The following CNTN5 variants were observed in gnomAD, a reference collection of about 807,000 sequenced individuals.
CNTN5 encodes the protein contactin-5.
In CNTN5, 77 loss-of-function variants were observed where a neutral mutation model predicts 129.1. That is an observed-to-expected ratio of 0.60 (90% CI 0.50 to 0.72). The LOEUF (loss-of-function observed/expected upper bound fraction) is 0.72, where lower values mean the gene tolerates loss of function less well. CNTN5 is among the 30% of genes least tolerant of loss of function. CNTN5 has a pLI of 0.00. For missense variants in CNTN5, 1,478 were observed against 1,328.8 expected, an observed-to-expected ratio of 1.11 and a Z score of -1.75; for synonymous variants, 509 against 465.6, an observed-to-expected ratio of 1.09 and a Z score of -1.20.
At chr11:100,291,345 C>A (rs1342766868) in intron 18 of CNTN5, among the ~76,000 whole-genome samples, 1 of 151,784 alleles carries the variant, frequency 6.6e-6, no homozygotes, top group Admixed American at 6.6e-5. Flanking sequence ...ATAGCGAAGA[C>A]TTGGAACCAA....
intron 2 of CNTN5, among the ~76,000 whole-genome samples, chr11:99,430,998 G>GA (rs778538306): frequency 7.2e-6 from 1 of 139,474 alleles, no homozygotes; most frequent in Non-Finnish European, 1.5e-5. Context: ...TTTCCTGGCT[G>GA]TTTTTTTTTT....
chr11:99,350,870 G>GA (rs1172276896), intron 2 of CNTN5, among the ~76,000 whole-genome samples: 2 of 152,008 alleles, frequency 1.3e-5, no homozygotes, highest in Non-Finnish European at 2.9e-5. Context: ...AAAGTGCTTT[G>GA]AAAATCCCAG....
At position 99,423,823 on chromosome 11, in the gene CNTN5, G is replaced by A. The variant is rs11219853; in HGVS notation, c.-71+98339G>A. On this transcript the variant is annotated intron_variant, in intron 2 of 24. Coordinates refer to ENST00000524871, the MANE Select transcript of CNTN5 (RefSeq NM_014361.4). Reference sequence around the variant, plus strand: ...GGTTAGATAAGGAGCTGAGAGAGAGGCAGCATAAGACTAGTGATTTCGACT... The same window carrying A: ...GGTTAGATAAGGAGCTGAGAGAGAGACAGCATAAGACTAGTGATTTCGACT... Among the ~76,000 whole-genome samples, 334 of 150,400 alleles carry A rather than the reference G, an allele frequency of 2.2e-3. 4 individuals are homozygous for A. The East Asian group carries it at 0.06, about 27-fold the overall frequency.
rs76358944 is a variant in CNTN5 at position 100,199,858 on chromosome 11, A to C, written c.1884+6195A>C. Among the ~76,000 whole-genome samples, 1,014 of 152,080 alleles carry C rather than the reference A, an allele frequency of 6.7e-3. 22 individuals carry two copies. The highest frequency in any genetic ancestry group is 0.023 in the African/African-American group (970 of 41,522). On this transcript the variant is annotated intron_variant, in intron 15 of 24. Coordinates refer to ENST00000524871, the MANE Select transcript of CNTN5 (RefSeq NM_014361.4). ...GGGCTAATAAGTAATTTTATTTTTC[A>C]TCACTTTGTACTAAGAATGTCCATA...
intron 1 of CNTN5, among the ~76,000 whole-genome samples, chr11:99,241,423 G>T (rs2135758976): frequency 7.1e-6 from 1 of 140,848 alleles, no homozygotes; most frequent in South Asian, 2.3e-4. Flanking sequence ...ATTAGGAACT[G>T]ATCTGAAAAT....
intron 1 of CNTN5, among the ~76,000 whole-genome samples, chr11:99,246,938 A>T (rs1044753449): frequency 1.3e-5 from 2 of 152,172 alleles, no homozygotes; most frequent in African/African-American, 4.8e-5. Flanking sequence ...ATAATTTTTG[A>T]TTTGCAACCT....
chr11:99,855,019 G>C (rs1399130691), intron 6 of CNTN5, among the ~76,000 whole-genome samples: 1 of 152,080 alleles, frequency 6.6e-6, no homozygotes, highest in East Asian at 1.9e-4. Context: ...TCTCAAAAAA[G>C]ACCTTTGGGC....
At chr11:99,660,059 T>A (rs571446189) in intron 3 of CNTN5, among the ~76,000 whole-genome samples, 9 of 152,242 alleles carry the variant, frequency 5.9e-5, no homozygotes, top group Admixed American at 3.9e-4. Context: ...ATATGAACAT[T>A]GATCCATCCT....
chr11:99,362,562 G>C (rs1474727999), intron 2 of CNTN5, among the ~76,000 whole-genome samples: 2 of 151,526 alleles, frequency 1.3e-5, no homozygotes, highest in Admixed American at 6.6e-5. Flanking sequence ...CAAACCCAAG[G>C]TTATGAAGAT....
chr11:99,983,699 C>A (rs922220142), intron 8 of CNTN5, among the ~76,000 whole-genome samples: 7 of 151,942 alleles, frequency 4.6e-5, no homozygotes, highest in African/African-American at 1.7e-4. Flanking sequence ...GTAATGAAAG[C>A]CAAATAGATA....
At chr11:100,154,741 T>A (rs1947180731) in intron 13 of CNTN5, among the ~76,000 whole-genome samples, 1 of 152,200 alleles carries the variant, frequency 6.6e-6, no homozygotes, top group Non-Finnish European at 1.5e-5. Flanking sequence ...GGTATCTCAG[T>A]GTGGGTTTGA....
At chr11:99,758,323 T>C (rs368446890) in intron 3 of CNTN5, among the ~76,000 whole-genome samples, 1 of 152,044 alleles carries the variant, frequency 6.6e-6, no homozygotes, top group Non-Finnish European at 1.5e-5. Context: ...TTAGGAATTA[T>C]GAAAAACAGA....
At chr11:99,192,404 T>C (rs961227502) in intron 1 of CNTN5, among the ~76,000 whole-genome samples, 5 of 151,866 alleles carry the variant, frequency 3.3e-5, no homozygotes, top group Non-Finnish European at 5.9e-5. Context: ...TTTATTTTTT[T>C]CTTTTTTCCT....
At chr11:99,423,622 T>C (rs1270320383) in intron 2 of CNTN5, among the ~76,000 whole-genome samples, 1 of 152,252 alleles carries the variant, frequency 6.6e-6, no homozygotes, top group South Asian at 2.1e-4. Flanking sequence ...CTCATTCTAG[T>C]AATACCTACA....
intron 3 of CNTN5, among the ~76,000 whole-genome samples, chr11:99,764,510 GATT>G (rs1177678805): frequency 6.6e-6 from 1 of 152,088 alleles, no homozygotes; most frequent in Non-Finnish European, 1.5e-5. Flanking sequence ...CCACCTCCCA[GATT>G]CAAGGGATTC....
chr11:99,282,168 T>G (rs1432511463), intron 1 of CNTN5, among the ~76,000 whole-genome samples: 1 of 152,064 alleles, frequency 6.6e-6, no homozygotes, highest in African/African-American at 2.4e-5. Context: ...CAATTTTTCC[T>G]ACAATAAGAG....
chr11:99,633,626 C>A (rs551626606), intron 3 of CNTN5, among the ~76,000 whole-genome samples: 4 of 152,042 alleles, frequency 2.6e-5, no homozygotes, highest in African/African-American at 2.4e-5. Flanking sequence ...TAAGACAAAA[C>A]AACAACAGTA....
chr11:99,043,183 G>T (rs765060214), intron 1 of CNTN5, among the ~76,000 whole-genome samples: 3 of 152,128 alleles, frequency 2.0e-5, no homozygotes, highest in Admixed American at 6.5e-5. Flanking sequence ...AAACAAAAGT[G>T]CCATAAAAAT....
In CNTN5 at chr11:100,322,190, T is replaced by C. The variant is rs544473876; in HGVS notation, c.2730+13722T>C. On this transcript the variant is annotated intron_variant, in intron 21 of 24. Coordinates refer to ENST00000524871, the MANE Select transcript of CNTN5 (RefSeq NM_014361.4). Reference sequence around the variant, plus strand: ...TCACTCAACACTATGTTGGTAAGAGTCACCCATATTGTTACATGCAACTGT... The same window carrying C: ...TCACTCAACACTATGTTGGTAAGAGCCACCCATATTGTTACATGCAACTGT... Among the ~76,000 whole-genome samples the C allele has an allele frequency of 7.9e-5, 12 of 152,204 alleles. No homozygotes were observed. In the South Asian group the frequency reaches 2.5e-3, roughly 32 times the overall value.
Sources: allele counts gnomAD v4.1 joint callset (sites outside exome capture counted in the v4.1 genomes callset), GRCh38; gene constraint gnomAD v4.1.1; transcripts MANE v1.5; gene names NCBI Gene and HGNC (gene_info 2026-07-23, HGNC 2026-07-21).